PRKCA: variants seen among roughly 807,000 people sequenced by gnomAD.
The protein encoded by PRKCA is protein kinase C alpha, also known as protein kinase C alpha type.
A neutral mutation model predicts 87.0 loss-of-function variants in PRKCA; 27 were observed. The ratio of observed to expected loss-of-function variants is 0.31; its 90% confidence interval spans 0.23 to 0.43. The LOEUF (loss-of-function observed/expected upper bound fraction) is 0.43, where lower values mean the gene tolerates loss of function less well. PRKCA is among the 20% of genes least tolerant of loss of function. The pLI, the probability that PRKCA is intolerant of heterozygous loss-of-function variation, is 1.00. For synonymous variants in PRKCA, 329 were observed against 311.1 expected (o/e 1.06, Z -0.61); for missense variants, 518 against 852.3 (o/e 0.61, Z 4.88).
intron 3 of PRKCA, among the ~76,000 whole-genome samples, chr17:66,574,120 T>C (rs1170148592): frequency 1.3e-5 from 2 of 152,236 alleles, no homozygotes; most frequent in Non-Finnish European, 2.9e-5. Flanking sequence ...GCCTATACGT[T>C]GATATGGTAT....
At chr17:66,673,854 A>G (rs1419383900) in intron 5 of PRKCA, among the ~76,000 whole-genome samples, 1 of 152,224 alleles carries the variant, frequency 6.6e-6, no homozygotes, top group East Asian at 1.9e-4. Context: ...AAGTGGAGAT[A>G]CATCCTGTGC....
At chr17:66,521,237 T>C (rs181690133) in intron 3 of PRKCA, among the ~76,000 whole-genome samples, 1 of 152,350 alleles carries the variant, frequency 6.6e-6, no homozygotes, top group East Asian at 1.9e-4. Context: ...ATTTGGCAAT[T>C]GCTAACTCAT....
chr17:66,736,840 C>T (rs138384403), intron 10 of PRKCA, among the ~76,000 whole-genome samples: 8 of 152,348 alleles, frequency 5.3e-5, no homozygotes, highest in African/African-American at 1.9e-4. Flanking sequence ...CATCACCACA[C>T]TCCTTCGTGT....
At chr17:66,437,395 T>C (rs1913453167) in intron 2 of PRKCA, among the ~76,000 whole-genome samples, 1 of 152,236 alleles carries the variant, frequency 6.6e-6, no homozygotes, top group Non-Finnish European at 1.5e-5. Context: ...GCATTTTGTT[T>C]TGTTTTTCAA....
At chr17:66,683,598 C>CT (rs548017867) in intron 5 of PRKCA, among the ~76,000 whole-genome samples, 111 of 151,832 alleles carry the variant, frequency 7.3e-4, no homozygotes, top group African/African-American at 2.6e-3. Flanking sequence ...GACTCCATAT[C>CT]TTTTTTTGGG....
chr17:66,305,588 C>T (rs1904772743), intron 1 of PRKCA, among the ~76,000 whole-genome samples: 1 of 152,154 alleles, frequency 6.6e-6, no homozygotes, highest in African/African-American at 2.4e-5. Context: ...GATCTGGTTT[C>T]TTAAGCCAAC....
At chr17:66,608,925 A>G (rs1970279198) in intron 3 of PRKCA, among the ~76,000 whole-genome samples, 1 of 152,234 alleles carries the variant, frequency 6.6e-6, no homozygotes, top group Middle Eastern at 3.2e-3. Context: ...GTGATCCTGA[A>G]AATCAGCCAG....
chr17:66,557,561 A>G (rs1232248995), intron 3 of PRKCA, among the ~76,000 whole-genome samples: 1 of 152,266 alleles, frequency 6.6e-6, no homozygotes, highest in African/African-American at 2.4e-5. Context: ...TGTTGGTGCA[A>G]CTGCTCTCTC....
chr17:66,476,245 C>T (rs1915531895), intron 2 of PRKCA, among the ~76,000 whole-genome samples: 1 of 152,204 alleles, frequency 6.6e-6, no homozygotes, highest in South Asian at 2.1e-4. Context: ...GTTTCTGCTA[C>T]CTTTTCTACC....
intron 3 of PRKCA, among the ~76,000 whole-genome samples, chr17:66,596,072 G>A (rs1362424511): frequency 2.0e-5 from 3 of 152,296 alleles, no homozygotes; most frequent in Admixed American, 6.5e-5. Context: ...GCACAGCTGC[G>A]TGTGGAGCCG....
At chr17:66,670,083 T>C (rs1217734672) in intron 5 of PRKCA, among the ~76,000 whole-genome samples, 1 of 152,128 alleles carries the variant, frequency 6.6e-6, no homozygotes, top group Non-Finnish European at 1.5e-5. Context: ...AAGAACAAAG[T>C]GAATTGGCCC....
intron 3 of PRKCA, among the ~76,000 whole-genome samples, chr17:66,565,350 T>C: frequency 6.6e-6 from 1 of 152,196 alleles, no homozygotes; most frequent in South Asian, 2.1e-4. Context: ...CAATTTGCAT[T>C]GTACCTTCTC....
intron 2 of PRKCA, among the ~76,000 whole-genome samples, chr17:66,346,825 T>C (rs1907403494): frequency 6.6e-6 from 1 of 152,010 alleles, no homozygotes; most frequent in Admixed American, 6.6e-5. Context: ...GGTCAGGAGT[T>C]CGAGACCAGC....
In PRKCA at chr17:66,615,170, C is replaced by A. The variant is rs184539972; in HGVS notation, c.289-26185C>A. ...ATGCCTCTCCCAGCTGAGTGGCCTC[C>A]CTCTAGGCAGCTTTTCAGGAAGTTT... On this transcript the variant is annotated intron_variant, in intron 3 of 16. Coordinates refer to ENST00000413366, the MANE Select transcript of PRKCA (RefSeq NM_002737.3). 2.6e-5 allele frequency among the ~76,000 whole-genome samples: 4 copies of A among 152,292 alleles called. No individual in the cohort carries two copies. The East Asian group carries it at 7.7e-4, about 29-fold the overall frequency.
chr17:66,448,923 T>C (rs1914170536), intron 2 of PRKCA, among the ~76,000 whole-genome samples: 1 of 152,006 alleles, frequency 6.6e-6, no homozygotes, highest in African/African-American at 2.4e-5. Flanking sequence ...CAACTTTTTT[T>C]TGTAGTATTC....
intron 2 of PRKCA, among the ~76,000 whole-genome samples, chr17:66,477,502 C>A (rs963219397): frequency 4.1e-4 from 63 of 152,052 alleles, no homozygotes; most frequent in Non-Finnish European, 3.2e-4. Flanking sequence ...GAGTTTGAGA[C>A]AAGCCTGGCC....
chr17:66,767,666 C>T (rs1186892865), intron 13 of PRKCA, among the ~76,000 whole-genome samples: 3 of 152,124 alleles, frequency 2.0e-5, no homozygotes, highest in African/African-American at 7.2e-5. Context: ...ATCAGGCAAC[C>T]CTCCTCCATC....
In PRKCA at chr17:66,744,109, G is replaced by A. The variant is rs549365834; in HGVS notation, c.1524+1349G>A. On this transcript the variant is annotated intron_variant, in intron 13 of 16. Transcript: ENST00000413366. ...CTTTGTGAAGACCTTGTAGTTTTAT[G>A]ATATTTCAAGACAGCGTGGACACAT... Among the ~76,000 whole-genome samples, 15 of 152,194 alleles carry A rather than the reference G, an allele frequency of 9.9e-5. No individual in the cohort carries two copies. In the East Asian group the frequency reaches 2.3e-3, roughly 24 times the overall value.
intron 3 of PRKCA, among the ~76,000 whole-genome samples, chr17:66,566,108 G>A (rs957324636): frequency 1.3e-5 from 2 of 152,096 alleles, no homozygotes; most frequent in African/African-American, 4.8e-5. Flanking sequence ...CAGAGTCCTT[G>A]GATACCTTGT....
Sources: allele counts gnomAD v4.1 joint callset (sites outside exome capture counted in the v4.1 genomes callset), GRCh38; gene constraint gnomAD v4.1.1; transcripts MANE v1.5; gene names NCBI Gene and HGNC (gene_info 2026-07-23, HGNC 2026-07-21).